Variants in TPST1 observed in about 807,000 individuals in gnomAD.
TPST1 encodes tyrosylprotein sulfotransferase 1.
In TPST1, 20 loss-of-function variants were observed where a neutral mutation model predicts 34.8. The observed-to-expected ratio is 0.57, with a 90% CI of 0.40 to 0.84. The LOEUF is 0.84. Ranked by LOEUF, TPST1 falls within the 40% of genes least tolerant of loss-of-function variation. TPST1 has a pLI of 0.00. For missense variants in TPST1, 353 were observed against 455.5 expected, an observed-to-expected ratio of 0.78 and a Z score of 2.05; for synonymous variants, 152 against 159.4, an observed-to-expected ratio of 0.95 and a Z score of 0.35.
At chr7:66,294,905 A>G (rs1791161714) in intron 3 of TPST1, among the ~76,000 whole-genome samples, 1 of 152,188 alleles carries the variant, frequency 6.6e-6, no homozygotes. Context: ...TGCTTTTTAA[A>G]CATAATTTTT....
At chr7:66,257,973 A>C (rs948261960) in intron 2 of TPST1, among the ~76,000 whole-genome samples, 5 of 152,266 alleles carry the variant, frequency 3.3e-5, no homozygotes, top group Non-Finnish European at 7.4e-5. Flanking sequence ...TAGATTTTCT[A>C]ATATTTATTT....
At chr7:66,347,059 CTTTTTTTT>C (rs71051352) in intron 3 of TPST1, among the ~76,000 whole-genome samples, 96 of 59,988 alleles carry the variant, frequency 1.6e-3, no homozygotes, top group East Asian at 0.015. Context: ...CTTTGCTTTT[CTTTTTTTT>C]TTTTTTTTTT....
At chr7:66,294,601 A>T (rs1179182813) in intron 3 of TPST1, among the ~76,000 whole-genome samples, 1 of 151,758 alleles carries the variant, frequency 6.6e-6, no homozygotes, top group Non-Finnish European at 1.5e-5. Flanking sequence ...TACACTTTTT[A>T]TATATATATA....
rs147736116 is a variant in TPST1, at chr7:66,335,373, T to G, written c.1045-17132T>G. 1.4e-3 allele frequency among the ~76,000 whole-genome samples: 218 copies of G among 151,972 alleles called. 3 individuals are homozygous for G. The highest frequency in any genetic ancestry group is 0.014 in the East Asian group (71 of 5,164). On this transcript the variant is annotated intron_variant, in intron 3 of 5. Coordinates refer to ENST00000304842, the MANE Select transcript of TPST1 (RefSeq NM_003596.4). ...TCAGAGGCTGAAGCAAAGAGTCGCT[T>G]GAGCCTGGGAGACAGAGGTTACAGT...
chr7:66,254,385 T>C (rs1790339487), intron 2 of TPST1, among the ~76,000 whole-genome samples: 1 of 152,152 alleles, frequency 6.6e-6, no homozygotes, highest in South Asian at 2.1e-4. Context: ...AATATGTGTA[T>C]TGTTTTTATT....
intron 1 of TPST1, among the ~76,000 whole-genome samples, chr7:66,233,221 A>T (rs1206948046): frequency 6.6e-6 from 1 of 151,708 alleles, no homozygotes; most frequent in African/African-American, 2.4e-5. Context: ...AGTCCAGTTT[A>T]TCCATTTTTG....
chr7:66,306,635 C>A (rs563987072), intron 3 of TPST1, among the ~76,000 whole-genome samples: 80 of 152,288 alleles, frequency 5.3e-4, no homozygotes, highest in African/African-American at 1.8e-3. Flanking sequence ...AAGGTCACTT[C>A]TCCAACTTTT....
At chr7:66,294,719 T>A (rs150684977) in intron 3 of TPST1, among the ~76,000 whole-genome samples, 6 of 151,966 alleles carry the variant, frequency 3.9e-5, no homozygotes, top group African/African-American at 1.4e-4. Flanking sequence ...CATACACATA[T>A]TATTCTTTTT....
At chr7:66,333,349 G>A (rs1357522524) in intron 3 of TPST1, among the ~76,000 whole-genome samples, 1 of 152,196 alleles carries the variant, frequency 6.6e-6, no homozygotes, top group Non-Finnish European at 1.5e-5. Context: ...GTTAAATACT[G>A]TATATAGAGC....
At chr7:66,327,006 C>T (rs972984793) in intron 3 of TPST1, among the ~76,000 whole-genome samples, 1 of 152,100 alleles carries the variant, frequency 6.6e-6, no homozygotes, top group African/African-American at 2.4e-5. Context: ...AGCTGTTTTA[C>T]AGTATTTGTG....
chr7:66,214,960 CTAAA>C (rs1178351445), intron 1 of TPST1, among the ~76,000 whole-genome samples: 3 of 81,278 alleles, frequency 3.7e-5, no homozygotes, highest in Non-Finnish European at 7.5e-5. Flanking sequence ...ATATATTACA[CTAAA>C]TAATTTATAA....
intron 3 of TPST1, among the ~76,000 whole-genome samples, chr7:66,347,750 A>G (rs62468702): frequency 0.037 from 5,591 of 152,118 alleles, 164 homozygotes; most frequent in East Asian, 0.088. Flanking sequence ...TGTAAATGGG[A>G]TTACTTTCTT....
chr7:66,285,111 GACCCCAAT>G (rs1272235275), intron 2 of TPST1, among the ~76,000 whole-genome samples: 3 of 152,064 alleles, frequency 2.0e-5, no homozygotes, highest in Non-Finnish European at 4.4e-5. Context: ...CTCTATGTGT[GACCCCAAT>G]ACTTAACACA....
At chr7:66,301,041 C>T (rs898523809) in intron 3 of TPST1, among the ~76,000 whole-genome samples, 3 of 152,110 alleles carry the variant, frequency 2.0e-5, no homozygotes, top group African/African-American at 7.2e-5. Flanking sequence ...AGCATGAAAA[C>T]AGCATTCATC....
At chr7:66,280,056 G>A (rs1315872824) in intron 2 of TPST1, among the ~76,000 whole-genome samples, 1 of 152,214 alleles carries the variant, frequency 6.6e-6, no homozygotes, top group Non-Finnish European at 1.5e-5. Flanking sequence ...TCCCTCCTGG[G>A]GGTGTGGTGG....
chr7:66,222,532 T>C (rs1789566094), intron 1 of TPST1, among the ~76,000 whole-genome samples: 1 of 152,180 alleles, frequency 6.6e-6, no homozygotes, highest in Non-Finnish European at 1.5e-5. Context: ...CAGTGGTATG[T>C]GTGCTTTGAG....
intron 1 of TPST1, among the ~76,000 whole-genome samples, chr7:66,238,265 C>A (rs1047750929): frequency 1.3e-5 from 2 of 152,094 alleles, no homozygotes; most frequent in Admixed American, 6.5e-5. Flanking sequence ...TTTCTTCAGA[C>A]CCCTAATAAA....
chr7:66,217,007 T>G (rs945219048), intron 1 of TPST1, among the ~76,000 whole-genome samples: 1 of 152,238 alleles, frequency 6.6e-6, no homozygotes, highest in Non-Finnish European at 1.5e-5. Flanking sequence ...CCCAAACTTT[T>G]TTTTTGGTTA....
intron 3 of TPST1, among the ~76,000 whole-genome samples, chr7:66,315,456 C>T (rs532780399): frequency 2.0e-5 from 3 of 152,308 alleles, no homozygotes; most frequent in Non-Finnish European, 4.4e-5. Flanking sequence ...GTAGTGCTCA[C>T]GGTTGCCCAG....
Sources: gnomAD v4.1 joint callset for allele counts (sites outside exome capture counted in the v4.1 genomes callset) on GRCh38, gnomAD v4.1.1 for gene constraint, MANE v1.5 for transcripts, NCBI Gene and HGNC (gene_info 2026-07-23, HGNC 2026-07-21) for gene names.